Variants in TRHDE observed in about 807,000 individuals in gnomAD.
TRHDE encodes the protein thyrotropin releasing hormone degrading enzyme.
Under a neutral mutation model 125.7 loss-of-function variants are expected in TRHDE, and 72 were observed. That is an observed-to-expected ratio of 0.57 (90% CI 0.47 to 0.70). The LOEUF (loss-of-function observed/expected upper bound fraction) is 0.70. TRHDE is among the 30% of genes least tolerant of loss of function. The probability of loss-of-function intolerance (pLI) is 0.00; values close to 1 mark genes in which losing one functional copy is unlikely to be tolerated. For synonymous variants in TRHDE, 509 were observed against 509.1 expected, an observed-to-expected ratio of 1.00 and a Z score of 0.00; for missense variants, 1,110 against 1,327.1, an observed-to-expected ratio of 0.84 and a Z score of 2.54.
rs185192011 is a variant in TRHDE, at chr12:72,499,379, C to T, written c.1585-119C>T. The stretch of plus-strand genomic sequence containing the variant: ...TATTGGGTTCACTTTAGAGTTGAGT[C>T]ATGCCTTGGAAGACTGATGAACATC... On this transcript the variant is annotated intron_variant, in intron 5 of 18. Transcript: ENST00000261180. 108 of 1,296,156 alleles carry T rather than the reference C, an allele frequency of 8.3e-5. 1 individual carries two copies. The East Asian group carries it at 2.7e-3, about 33-fold the overall frequency. The allele number at this position is 1,296,156 out of a possible 1,614,324, so 80.3% of individuals were successfully genotyped here.
Position 72,668,842 on chromosome 12 carries a change from A to C in TRHDE, c.*5647A>C, listed in dbSNP as rs1197409646. The C allele has an allele frequency of 6.6e-6, 1 of 151,864 alleles. No homozygotes were observed. Among genetic ancestry groups the C allele is most frequent in the Non-Finnish European group, 1.5e-5 (1 of 67,852 alleles). The allele number at this position is 151,864 out of a possible 1,614,324, so 9.4% of individuals were successfully genotyped here. On this transcript the variant is annotated 3_prime_UTR_variant, in exon 19 of 19. Coordinates refer to ENST00000261180, the MANE Select transcript of TRHDE (RefSeq NM_013381.3). ...ACTGAAGCCTTATATAGCTCAAACT[A>C]GTCATTAATCTGCCCTCAGCATGTA... is the stretch of plus-strand genomic sequence containing the variant.
intron 6 of TRHDE, among the ~76,000 whole-genome samples, chr12:72,523,112 T>A (rs1045185874): frequency 2.4e-4 from 37 of 152,160 alleles, no homozygotes; most frequent in African/African-American, 8.9e-4. Flanking sequence ...TGCTGGTGGA[T>A]TACATGAGAA....
chr12:72,597,762 T>TACAC (rs199603810), intron 12 of TRHDE, among the ~76,000 whole-genome samples: 1 of 80,682 alleles, frequency 1.2e-5, no homozygotes. Flanking sequence ...TATATATGCA[T>TACAC]ACACACACAA....
At chr12:72,288,201 A>G (rs1879962886) in intron 2 of TRHDE, among the ~76,000 whole-genome samples, 1 of 152,144 alleles carries the variant, frequency 6.6e-6, no homozygotes, top group South Asian at 2.1e-4. Flanking sequence ...TGAACACAGC[A>G]AAATAGGTGA....
chr12:72,430,651 C>A (rs1874438782), intron 3 of TRHDE, among the ~76,000 whole-genome samples: 1 of 151,776 alleles, frequency 6.6e-6, no homozygotes, highest in African/African-American at 2.4e-5. Flanking sequence ...CCTGGTACTA[C>A]AAGTGATTTA....
intron 2 of TRHDE, among the ~76,000 whole-genome samples, chr12:72,321,546 A>G (rs1869095508): frequency 6.6e-6 from 1 of 152,160 alleles, no homozygotes; most frequent in Non-Finnish European, 1.5e-5. Flanking sequence ...TGCTACATAC[A>G]TCTAAGGAAG....
At position 72,627,810 on chromosome 12, in the gene TRHDE, A is replaced by G. The variant is rs571730921; in HGVS notation, c.2675+6059A>G. ...CACTCCCACTTCAGCATCCCAATAT[A>G]TCTAGGCCTACAGCCCCACACCACC... On this transcript the variant is annotated intron_variant, in intron 15 of 18. Coordinates refer to ENST00000261180, the MANE Select transcript of TRHDE (RefSeq NM_013381.3). Among the ~76,000 whole-genome samples, 25 of 151,170 alleles carry G rather than the reference A, an allele frequency of 1.7e-4. No homozygotes were observed. In the South Asian group the frequency reaches 4.4e-3, roughly 26 times the overall value.
intron 6 of TRHDE, among the ~76,000 whole-genome samples, chr12:72,517,562 T>C (rs1414013497): frequency 6.6e-6 from 1 of 152,208 alleles, no homozygotes; most frequent in Non-Finnish European, 1.5e-5. Flanking sequence ...TTGCTAGCGG[T>C]CTATCAGTTT....
At chr12:72,257,981 A>G (rs1878856804) in intron 2 of TRHDE, 1 of 152,158 alleles carries the variant, frequency 6.6e-6, no homozygotes, top group African/African-American at 2.4e-5. Context: ...AGGGGAAAAT[A>G]TTGATAAAGA....
chr12:72,574,887 A>G (rs1870917856), intron 10 of TRHDE, among the ~76,000 whole-genome samples: 1 of 152,110 alleles, frequency 6.6e-6, no homozygotes. Flanking sequence ...TATGCATCTA[A>G]AACCTCTTCT....
chr12:72,135,117 TG>T (rs1379562740), intron 2 of TRHDE, among the ~76,000 whole-genome samples: 2 of 152,128 alleles, frequency 1.3e-5, no homozygotes, highest in Non-Finnish European at 2.9e-5. Flanking sequence ...AGATGAAAAC[TG>T]GCAATAAGCC....
Position 72,499,623 on chromosome 12 carries a change from C to T in TRHDE, c.1710C>T (p.Ile570=), listed in dbSNP as rs138225464. The change falls in exon 6 of 19, where the codon ATC becomes ATT. Residue 570 remains isoleucine, a synonymous_variant. Transcript: ENST00000261180. ...ATDIDRVFDW[I]AYKKGAALIR... ...ATATTGACAGGGTGTTTGACTGGAT[C>T]GCATATAAAAAGGTGGGAATAAAGA... 6.8e-6 allele frequency: 11 copies of T among 1,612,496 alleles called. No homozygotes were observed. In the African/African-American group the frequency reaches 1.1e-4, roughly 16 times the overall value.
chr12:72,342,352 T>G (rs2135731324), intron 2 of TRHDE, among the ~76,000 whole-genome samples: 1 of 152,250 alleles, frequency 6.6e-6, no homozygotes, highest in Non-Finnish European at 1.5e-5. Flanking sequence ...AAATGTGTAC[T>G]CCAAACTAAT....
At chr12:72,127,672 G>A (rs1475808206) in intron 2 of TRHDE, among the ~76,000 whole-genome samples, 1 of 152,106 alleles carries the variant, frequency 6.6e-6, no homozygotes, top group Non-Finnish European at 1.5e-5. Flanking sequence ...AGACACTAGA[G>A]GAGTAAGGGA....
intron 15 of TRHDE, among the ~76,000 whole-genome samples, chr12:72,625,728 G>A (rs1873230436): frequency 6.6e-6 from 1 of 151,628 alleles, no homozygotes; most frequent in Admixed American, 6.6e-5. Context: ...CAAAGGTTAT[G>A]CAACTTGCCA....
At chr12:72,622,827 C>CAT (rs1487931079) in intron 15 of TRHDE, among the ~76,000 whole-genome samples, 35 of 152,024 alleles carry the variant, frequency 2.3e-4, no homozygotes, top group Admixed American at 2.3e-3. Flanking sequence ...TTTAGTAACT[C>CAT]ATAATACCTC....
At chr12:72,134,100 A>G (rs1021774879) in intron 2 of TRHDE, among the ~76,000 whole-genome samples, 2 of 152,238 alleles carry the variant, frequency 1.3e-5, no homozygotes, top group Non-Finnish European at 2.9e-5. Flanking sequence ...CTTAATTGTT[A>G]CTGGCACAGG....
chr12:72,544,515 A>T (rs57146635), intron 7 of TRHDE, among the ~76,000 whole-genome samples: 3,815 of 151,530 alleles, frequency 0.025, 155 homozygotes, highest in African/African-American at 0.087. Flanking sequence ...TGTGTTTTTC[A>T]TATATGTTTT....
chr12:72,646,117 G>A (rs1360570434), intron 15 of TRHDE, among the ~76,000 whole-genome samples: 2 of 151,910 alleles, frequency 1.3e-5, no homozygotes, highest in East Asian at 3.9e-4. Context: ...TTTAATTCTA[G>A]TATAAAATTT....
Sources: allele counts gnomAD v4.1 joint callset (sites outside exome capture counted in the v4.1 genomes callset), GRCh38; gene constraint gnomAD v4.1.1; transcripts MANE v1.5; gene names NCBI Gene and HGNC (gene_info 2026-07-23, HGNC 2026-07-21).